Variants in NHLRC2 observed in about 807,000 individuals in gnomAD.
The protein encoded by NHLRC2 is NHL repeat containing 2, also known as NHL repeat-containing protein 2.
In NHLRC2, 33 loss-of-function variants were observed where a neutral mutation model predicts 68.1. The observed-to-expected ratio is 0.48, with a 90% confidence interval of 0.37 to 0.65. NHLRC2 has a LOEUF of 0.65. Among genes scored for constraint, NHLRC2 ranks in the 30% least tolerant of loss-of-function variants. NHLRC2 has a pLI of 0.00. For synonymous variants in NHLRC2, 311 were observed against 309.6 expected, an observed-to-expected ratio of 1.00 and a Z score of -0.05; for missense variants, 761 against 853.8, an observed-to-expected ratio of 0.89 and a Z score of 1.35.
chr10:113,855,443 C>T (rs1196909620), intron 1 of NHLRC2, among the ~76,000 whole-genome samples: 6 of 152,098 alleles, frequency 3.9e-5, no homozygotes, highest in African/African-American at 1.4e-4. Context: ...TTATTGATCA[C>T]TTTTTCATGT....
chr10:113,876,390 G>C, intron 2 of NHLRC2, 131 bp from the exon 3 acceptor site: 1 of 536,630 alleles, frequency 1.9e-6, no homozygotes. Flanking sequence ...GAAGATCCCA[G>C]CGTAGTTCTA....
rs774624486 is a variant in NHLRC2, at chr10:113,903,518, C to G, written c.1495-9C>G. 2.6e-6 allele frequency: 4 copies of G among 1,565,878 alleles called. No homozygotes were observed. Among genetic ancestry groups the G allele is most frequent in the Non-Finnish European group, 3.5e-6 (4 of 1,141,648 alleles). ...TCAGTTATATAAGTTTTTGTTCTTT[C>G]TTTTTTAGATTAAAGTTGTGGATCC... On this transcript the variant is annotated splice_polypyrimidine_tract_variant and intron_variant, in intron 8 of 10. Coordinates refer to ENST00000369301, the MANE Select transcript of NHLRC2 (RefSeq NM_198514.4).
rs1201049720 is a variant in NHLRC2 at position 113,910,060 on chromosome 10, T to C, written c.*1524T>C. On this transcript the variant is annotated 3_prime_UTR_variant, in exon 11 of 11. Transcript: ENST00000369301. ...AGCTACTTTTAAAGAGAAATATAGA[T>C]ATAAAATTAAAAGGAATCCTGTTTA... 1 of 152,192 alleles carries C rather than the reference T, an allele frequency of 6.6e-6. No homozygotes were observed. Among genetic ancestry groups the C allele is most frequent in the African/African-American group, 2.4e-5 (1 of 41,444 alleles). The allele number at this position is 152,192 out of a possible 1,614,324, so 9.4% of individuals were successfully genotyped here.
chr10:113,915,672 G>A lies in NHLRC2; in HGVS notation c.*7136G>A, dbSNP rs1846376842. 1 of 217,132 alleles carries A rather than the reference G, an allele frequency of 4.6e-6. No individual in the cohort carries two copies. Among genetic ancestry groups the A allele is most frequent in the Non-Finnish European group, 9.1e-6 (1 of 109,504 alleles). 13.5% of individuals were successfully genotyped at this position (217,132 alleles called of 1,614,324 possible). A position where few individuals can be genotyped will look rare whatever the true frequency, so the allele number is the denominator to read the frequency against. ...TTTTTAAGAGATAGGGTCTTGCTGT[G>A]TTGCCCAGGCTAGAGTGCAGCAGTG... On this transcript the variant is annotated 3_prime_UTR_variant, in exon 11 of 11. Transcript: ENST00000369301.
At chr10:113,893,936 A>T (rs1336982935) in intron 5 of NHLRC2, among the ~76,000 whole-genome samples, 1 of 152,216 alleles carries the variant, frequency 6.6e-6, no homozygotes, top group Non-Finnish European at 1.5e-5. Context: ...AGAGTGGGAC[A>T]TTGATGTGAA....
At chr10:113,889,728 C>G (rs2134722940) in intron 5 of NHLRC2, among the ~76,000 whole-genome samples, 1 of 152,154 alleles carries the variant, frequency 6.6e-6, no homozygotes, top group Middle Eastern at 3.4e-3. Context: ...TGTTGAGTCT[C>G]CCCCCGCCAT....
At chr10:113,875,084 C>G (rs1165893681) in intron 2 of NHLRC2, among the ~76,000 whole-genome samples, 1 of 151,262 alleles carries the variant, frequency 6.6e-6, no homozygotes, top group African/African-American at 2.4e-5. Flanking sequence ...GACCATATTT[C>G]CTTGTTCTTT....
At chr10:113,869,090 A>T (rs963535919) in intron 2 of NHLRC2, among the ~76,000 whole-genome samples, 1 of 152,230 alleles carries the variant, frequency 6.6e-6, no homozygotes, top group African/African-American at 2.4e-5. Context: ...TGACTTCAGG[A>T]TGGATAACTA....
chr10:113,866,791 G>A (rs1409724717), intron 2 of NHLRC2, among the ~76,000 whole-genome samples: 3 of 151,502 alleles, frequency 2.0e-5, no homozygotes, highest in African/African-American at 7.3e-5. Flanking sequence ...TTCATTAGGA[G>A]TACTCACAAG....
chr10:113,903,132 T>A (rs1283332501), intron 8 of NHLRC2, among the ~76,000 whole-genome samples: 1 of 152,172 alleles, frequency 6.6e-6, no homozygotes, highest in Non-Finnish European at 1.5e-5. Context: ...ATCATTAAGT[T>A]TAACAAAGGT....
chr10:113,875,314 T>C (rs1845968574), intron 2 of NHLRC2, among the ~76,000 whole-genome samples: 1 of 152,172 alleles, frequency 6.6e-6, no homozygotes, highest in South Asian at 2.1e-4. Flanking sequence ...AAGCATTTGC[T>C]ACACTTTTTA....
chr10:113,865,283 C>G (rs1047040183), intron 2 of NHLRC2, among the ~76,000 whole-genome samples: 6 of 126,450 alleles, frequency 4.7e-5, no homozygotes, highest in Admixed American at 1.6e-4. Context: ...GCTTTTCATC[C>G]CCCCCCCCCG....
intron 2 of NHLRC2, among the ~76,000 whole-genome samples, chr10:113,870,878 A>C (rs773401558): frequency 6.6e-6 from 1 of 151,990 alleles, no homozygotes; most frequent in Non-Finnish European, 1.5e-5. Context: ...TGTATTTTTG[A>C]GTTGGGTTAA....
intron 5 of NHLRC2, among the ~76,000 whole-genome samples, chr10:113,892,171 G>A (rs1353456798): frequency 6.6e-6 from 1 of 152,082 alleles, no homozygotes; most frequent in Non-Finnish European, 1.5e-5. Context: ...CTAGTCATAG[G>A]TACTTAAAAT....
At chr10:113,888,015 A>C (rs934628901) in intron 5 of NHLRC2, among the ~76,000 whole-genome samples, 1 of 152,226 alleles carries the variant, frequency 6.6e-6, no homozygotes, top group African/African-American at 2.4e-5. Flanking sequence ...GGATTTCTTA[A>C]GGCCAGGAGT....
chr10:113,857,844 T>C (rs1038614056), intron 1 of NHLRC2, among the ~76,000 whole-genome samples: 1 of 152,172 alleles, frequency 6.6e-6, no homozygotes, highest in Non-Finnish European at 1.5e-5. Context: ...ATTTACGGTC[T>C]CATCCAAATC....
intron 6 of NHLRC2, among the ~76,000 whole-genome samples, chr10:113,901,270 A>G (rs902384140): frequency 6.6e-6 from 1 of 152,202 alleles, no homozygotes; most frequent in Non-Finnish European, 1.5e-5. Flanking sequence ...CAAGAGCTAG[A>G]TGATCTTTTT....
At chr10:113,879,753 G>C in intron 4 of NHLRC2, 58 bp downstream of exon 4, 1 of 1,121,944 alleles carries the variant, frequency 8.9e-7, no homozygotes, top group Non-Finnish European at 1.3e-6. Context: ...AAATGTATTT[G>C]CTACATTAAA....
chr10:113,855,166 T>A (rs1845734449), intron 1 of NHLRC2, 116 bp downstream of exon 1: 1 of 913,574 alleles, frequency 1.1e-6, no homozygotes, highest in African/African-American at 1.7e-5. Context: ...CCCCGGGGAG[T>A]GGCCCTTCGC....
Sources: gnomAD v4.1 joint callset for allele counts (sites outside exome capture counted in the v4.1 genomes callset) on GRCh38, gnomAD v4.1.1 for gene constraint, MANE v1.5 for transcripts, NCBI Gene and HGNC (gene_info 2026-07-23, HGNC 2026-07-21) for gene names.